RTEL1: variants seen among roughly 807,000 people sequenced by gnomAD.
The protein encoded by RTEL1 is regulator of telomere length.
RTEL1 carries 86 observed loss-of-function variants against 162.2 expected under a neutral mutation model. The observed-to-expected ratio is 0.53, with a 90% CI of 0.45 to 0.63. The LOEUF (loss-of-function observed/expected upper bound fraction) is 0.63, where lower values mean the gene tolerates loss of function less well. Among genes scored for constraint, RTEL1 ranks in the 30% least tolerant of loss-of-function variants. The probability of loss-of-function intolerance (pLI) is 0.00; values close to 1 mark genes in which losing one functional copy is unlikely to be tolerated. For synonymous variants in RTEL1, 958 were observed against 717.9 expected (o/e 1.33, Z -5.35); for missense variants, 1,941 against 1,750.2 (o/e 1.11, Z -1.95).
rs373163953 is a variant in RTEL1 at position 63,695,771 on chromosome 20, C to G, written c.3823-7C>G. The G allele has an allele frequency of 1.4e-5, 22 of 1,589,362 alleles. No homozygotes were observed. Among genetic ancestry groups the G allele is most frequent in the Non-Finnish European group, 1.9e-5 (22 of 1,168,468 alleles). On this transcript the variant is annotated splice_polypyrimidine_tract_variant and splice_region_variant and intron_variant, in intron 34 of 34. Transcript: ENST00000360203. ...CAGACGTGTGCAGTGGGCCGGTTGT[C>G]TCACAGGCCTCTAGGATGTGCCCAG... is the stretch of plus-strand genomic sequence containing the variant.
At position 63,672,865 on chromosome 20, in the gene RTEL1, G is replaced by A. The variant is rs772517033; in HGVS notation, c.765+244G>A. Among the ~76,000 whole-genome samples the A allele has an allele frequency of 5.9e-5, 9 of 152,206 alleles. No individual in the cohort carries two copies. In the East Asian group the frequency reaches 1.3e-3, roughly 23 times the overall value. On this transcript the variant is annotated intron_variant, in intron 9 of 34. Coordinates refer to ENST00000360203, the MANE Select transcript of RTEL1 (RefSeq NM_001283009.2). ...GTCAGGCGCAGGGCCCCCACAGGCC[G>A]CTCACCAGACCCTTTCCCTCCAGCC...
chr20:63,690,405 G>A lies in RTEL1; in HGVS notation c.2377G>A (p.Asp793Asn), dbSNP rs573842797. The change falls in exon 26 of 35, where the codon GAC becomes AAC. Residue 793 changes from aspartate (D) to asparagine (N), a missense_variant. Coordinates refer to ENST00000360203, the MANE Select transcript of RTEL1 (RefSeq NM_001283009.2). ...FFSTRKAKSL[D>N]LHVPSLKQRS... ...CTCCACCAGGAAAGCTAAGAGTCTG[G>A]ACCTGCATGTCCCCAGCCTGAAGCA... The A allele has an allele frequency of 1.3e-6, 2 of 1,590,724 alleles. No homozygotes were observed. Among genetic ancestry groups the A allele is most frequent in the South Asian group, 1.1e-5 (1 of 90,660 alleles).
chr20:63,691,003 C>T (rs1269407183), intron 27 of RTEL1, 56 bp downstream of exon 27: 19 of 1,482,998 alleles, frequency 1.3e-5, no homozygotes, highest in Admixed American at 6.7e-5. Flanking sequence ...GAGGCCAACC[C>T]GACCCCGCCC....
intron 26 of RTEL1, 42 bp downstream of exon 26, chr20:63,690,483 G>GT: frequency 9.4e-6 from 12 of 1,280,860 alleles, no homozygotes; most frequent in African/African-American, 1.5e-5. Flanking sequence ...GGGGGTGGCG[G>GT]AGCGGGCGGC....
At chr20:63,691,879 A>C in intron 28 of RTEL1, 42 bp downstream of exon 28, 2 of 1,518,818 alleles carry the variant, frequency 1.3e-6, no homozygotes, top group Non-Finnish European at 1.8e-6. Context: ...CACCATAGAC[A>C]CGCATGGGAA....
intron 16 of RTEL1, 39 bp from the exon 17 acceptor site, chr20:63,687,599 C>T: frequency 6.4e-7 from 1 of 1,570,368 alleles, no homozygotes; most frequent in Non-Finnish European, 8.6e-7. Context: ...CCAGTCCCGT[C>T]CTCACACTCT....
At chr20:63,665,109 A>T (rs901971446) in intron 6 of RTEL1, 3 of 153,480 alleles carry the variant, frequency 2.0e-5, no homozygotes, top group Admixed American at 6.6e-5. Context: ...GGTGTGTGTG[A>T]GTGTGTGTGT....
intron 7 of RTEL1, among the ~76,000 whole-genome samples, chr20:63,666,470 G>T (rs893659235): frequency 2.0e-5 from 3 of 152,210 alleles, no homozygotes; most frequent in African/African-American, 7.2e-5. Flanking sequence ...TGTCTCCTAT[G>T]TCTACCTCTT....
chr20:63,661,651 G>A lies in RTEL1; in HGVS notation c.301+155G>A, dbSNP rs983745486. ...TGCTGTATAATTTCTCGCCATCGTG[G>A]GTGTAAACCTAGGGTTGGGCTTTTT... is the stretch of plus-strand genomic sequence containing the variant. On this transcript the variant is annotated intron_variant, in intron 3 of 34. Transcript: ENST00000360203. This position sits in a 1 kb window ranked among gnomAD's most constrained non-coding sequence, Gnocchi z 5.1. The A allele has an allele frequency of 2.1e-6, 2 of 952,270 alleles. No homozygotes were observed. The highest frequency in any genetic ancestry group is 1.7e-5 in the South Asian group (1 of 60,222). 59.0% of individuals were successfully genotyped at this position (952,270 alleles called of 1,614,324 possible).
intron 30 of RTEL1, among the ~76,000 whole-genome samples, chr20:63,694,057 G>A (rs1219411219): frequency 1.3e-5 from 2 of 152,040 alleles, no homozygotes; most frequent in Non-Finnish European, 2.9e-5. Flanking sequence ...CACCCAGGGG[G>A]GAACCTAGCC....
chr20:63,693,507 A>ACCACCT (rs1568720447), intron 30 of RTEL1, among the ~76,000 whole-genome samples: 1 of 7,264 alleles, frequency 1.4e-4, no homozygotes, highest in African/African-American at 6.0e-4. Flanking sequence ...CTCCACCACC[A>ACCACCT]CCTCCTCCAC....
At chr20:63,672,772 C>G in intron 9 of RTEL1, 151 bp downstream of exon 9, 1 of 671,914 alleles carries the variant, frequency 1.5e-6, no homozygotes, top group Non-Finnish European at 2.6e-6. Flanking sequence ...CTTCTGCCAC[C>G]CCCTCCCGCC....
intron 14 of RTEL1, among the ~76,000 whole-genome samples, chr20:63,683,576 G>T (rs570995964): frequency 9.9e-4 from 151 of 152,346 alleles, no homozygotes; most frequent in Admixed American, 1.2e-3. Flanking sequence ...TCCAGCCGTG[G>T]TGTCTGCCCC....
chr20:63,686,162 A>G (rs1347960088), intron 16 of RTEL1: 1 of 504,788 alleles, frequency 2.0e-6, no homozygotes, highest in East Asian at 3.5e-5. Context: ...ACGCTCGTTT[A>G]TGCCGAGGCC....
intron 8 of RTEL1, among the ~76,000 whole-genome samples, chr20:63,669,406 T>C (rs949077817): frequency 1.3e-5 from 2 of 152,168 alleles, no homozygotes; most frequent in Non-Finnish European, 2.9e-5. Flanking sequence ...GCACTAGCCA[T>C]GAAGAAAAAC....
Position 63,689,626 on chromosome 20 carries a change from G to C in RTEL1, c.2003G>C (p.Gly668Ala). The stretch of plus-strand genomic sequence containing the variant: ...ATGCAGTTCCTGGATGAGATGAAGG[G>C]CCAGGGTGGGGCTGGGGGCCAGGTG... ...LKMQFLDEMK[G>A]QGGAGGQFLS... Residue 668 changes from glycine (G) to alanine (A), a missense_variant, in exon 23 of 35, where the codon GGC (glycine) becomes GCC (alanine). Gly to Ala is a moderately conservative substitution (Grantham distance 60). Transcript: ENST00000360203. The C allele has an allele frequency of 6.2e-7, 1 of 1,612,208 alleles. No homozygotes were observed. Among genetic ancestry groups the C allele is most frequent in the Non-Finnish European group, 8.5e-7 (1 of 1,179,596 alleles).
At chr20:63,685,690 C>T (rs2090577024) in intron 15 of RTEL1, 93 bp downstream of exon 15, 1 of 1,584,116 alleles carries the variant, frequency 6.3e-7, no homozygotes, top group East Asian at 2.3e-5. Context: ...GGGCCACCTC[C>T]AGGAGGCAGG....
Position 63,695,414 on chromosome 20 carries a change from G to A in RTEL1, c.3586G>A (p.Gly1196Ser). ...RQRPAGTVGA[G>S]GEDAGPSQSS... is the part of the protein sequence containing the mutation. The stretch of plus-strand genomic sequence containing the variant: ...GAGGCCAGCAGGGACTGTGGGGGCG[G>A]GCGGTGAGGATGCAGGTCCCAGCCA... The change falls in exon 34 of 35, where the codon GGC becomes AGC. Residue 1196 changes from glycine (G) to serine (S), a missense_variant. By Grantham distance (56) the Gly-to-Ser change is moderately conservative. Coordinates refer to ENST00000360203, the MANE Select transcript of RTEL1 (RefSeq NM_001283009.2). 1 of 1,561,934 alleles carries A rather than the reference G, an allele frequency of 6.4e-7. No homozygotes were observed. Among genetic ancestry groups the A allele is most frequent in the Non-Finnish European group, 8.7e-7 (1 of 1,152,948 alleles).
chr20:63,681,166 G>A (rs899824662), intron 14 of RTEL1: 1 of 985,320 alleles, frequency 1.0e-6, no homozygotes, highest in African/African-American at 1.7e-5. Context: ...GGGAGCCCAT[G>A]ATTGGGGGTG....
Sources: allele counts gnomAD v4.1 joint callset (sites outside exome capture counted in the v4.1 genomes callset), GRCh38; gene constraint gnomAD v4.1.1; non-coding constraint Gnocchi (gnomAD v3.1); transcripts MANE v1.5; gene names NCBI Gene and HGNC (gene_info 2026-07-23, HGNC 2026-07-21).